ZSWIM5: variants seen among roughly 807,000 people sequenced by gnomAD.
The protein encoded by ZSWIM5 is zinc finger SWIM-type containing 5, also known as zinc finger SWIM domain-containing protein 5.
ZSWIM5 carries 55 observed loss-of-function variants against 119.6 expected under a neutral mutation model. The observed-to-expected ratio is 0.46, with a 90% CI of 0.37 to 0.58. The LOEUF is 0.58. ZSWIM5 is among the 20% of genes least tolerant of loss of function. The pLI is 0.00. For synonymous variants in ZSWIM5, 537 were observed against 606.9 expected (o/e 0.88, Z 1.69); for missense variants, 1,193 against 1,512.8 (o/e 0.79, Z 3.51).
chr1:45,022,032 AAAT>A (rs1479864807), intron 11 of ZSWIM5, among the ~76,000 whole-genome samples: 1 of 151,242 alleles, frequency 6.6e-6, no homozygotes, highest in Non-Finnish European at 1.5e-5. Flanking sequence ...AAAAAAAAAA[AAAT>A]AAATAAGAGT....
At chr1:45,153,505 C>CAAA (rs113314162) in intron 1 of ZSWIM5, among the ~76,000 whole-genome samples, 3 of 121,382 alleles carry the variant, frequency 2.5e-5, no homozygotes, top group African/African-American at 5.8e-5. Context: ...GACTCTGTCT[C>CAAA]AAAAAAAAAA....
chr1:45,199,393 G>A (rs1394880882), intron 1 of ZSWIM5, among the ~76,000 whole-genome samples: 1 of 151,736 alleles, frequency 6.6e-6, no homozygotes, highest in Non-Finnish European at 1.5e-5. Flanking sequence ...CTGCCTCCCG[G>A]CTTCAAGCAA....
At chr1:45,194,825 C>T (rs1307115098) in intron 1 of ZSWIM5, among the ~76,000 whole-genome samples, 1 of 150,948 alleles carries the variant, frequency 6.6e-6, no homozygotes, top group African/African-American at 2.4e-5. Flanking sequence ...TGCAGTGAGC[C>T]GAGATTGCAC....
At chr1:45,101,947 A>G (rs1645441980) in intron 1 of ZSWIM5, among the ~76,000 whole-genome samples, 1 of 152,028 alleles carries the variant, frequency 6.6e-6, no homozygotes, top group Admixed American at 6.6e-5. Flanking sequence ...GTAAATGACG[A>G]GTTAATGAGT....
At chr1:45,041,931 T>C (rs1206878328) in intron 6 of ZSWIM5, among the ~76,000 whole-genome samples, 1 of 152,232 alleles carries the variant, frequency 6.6e-6, no homozygotes, top group African/African-American at 2.4e-5. Context: ...TTTTTCCATG[T>C]TATCAAATAT....
chr1:45,075,015 T>C (rs346700), intron 2 of ZSWIM5, among the ~76,000 whole-genome samples: 22,645 of 151,964 alleles, frequency 0.15, 1,814 homozygotes, highest in Non-Finnish European at 0.16. Context: ...CATGTATTTG[T>C]ATAGTTTCCA....
chr1:45,180,793 C>A (rs1204272384), intron 1 of ZSWIM5, among the ~76,000 whole-genome samples: 1 of 152,082 alleles, frequency 6.6e-6, no homozygotes, highest in Non-Finnish European at 1.5e-5. Flanking sequence ...TGCGGTTCTG[C>A]AGACACCGCT....
At chr1:45,034,251 A>T in intron 11 of ZSWIM5, 61 bp downstream of exon 11, 1 of 1,506,932 alleles carries the variant, frequency 6.6e-7, no homozygotes, top group African/African-American at 1.4e-5. Flanking sequence ...CAAGCCTTTG[A>T]CATGCCATGG....
chr1:45,161,199 T>C (rs1645862114), intron 1 of ZSWIM5, among the ~76,000 whole-genome samples: 1 of 152,046 alleles, frequency 6.6e-6, no homozygotes, highest in African/African-American at 2.4e-5. Flanking sequence ...CTATTGTAAA[T>C]AGTGCTAATG....
At chr1:45,125,667 G>A (rs959864221) in intron 1 of ZSWIM5, among the ~76,000 whole-genome samples, 6 of 149,162 alleles carry the variant, frequency 4.0e-5, no homozygotes, top group Non-Finnish European at 7.4e-5. Context: ...CCAGCTACTC[G>A]GGAGGCTGAG....
In ZSWIM5 at chr1:45,085,544, T is replaced by G. The variant is rs961754950; in HGVS notation, c.952+2337A>C. ...AGTTTGTTTGTTTTTTTTTTTTTTT[T>G]TTTGCTCATGAATATGAGCTGAGGT... On this transcript the variant is annotated intron_variant, in intron 2 of 13. Coordinates refer to ENST00000359600, the MANE Select transcript of ZSWIM5 (RefSeq NM_020883.2). 4.0e-5 allele frequency among the ~76,000 whole-genome samples: 6 copies of G among 150,012 alleles called. No individual in the cohort carries two copies. The South Asian group carries it at 6.4e-4, about 16-fold the overall frequency.
At chr1:45,085,783 T>C (rs1179612266) in intron 2 of ZSWIM5, among the ~76,000 whole-genome samples, 1 of 152,144 alleles carries the variant, frequency 6.6e-6, no homozygotes, top group Non-Finnish European at 1.5e-5. Flanking sequence ...ACTATCAGCA[T>C]TTTGGTCACA....
intron 1 of ZSWIM5, among the ~76,000 whole-genome samples, chr1:45,104,848 A>G (rs1645460352): frequency 6.6e-6 from 1 of 152,336 alleles, no homozygotes. Flanking sequence ...TTCAGCAGCC[A>G]GTGGTCTCTG....
At chr1:45,053,536 T>C (rs1570032488) in intron 4 of ZSWIM5, among the ~76,000 whole-genome samples, 1 of 151,632 alleles carries the variant, frequency 6.6e-6, no homozygotes, top group Admixed American at 6.6e-5. Flanking sequence ...CGGAGGCAGG[T>C]GGATTGCTTG....
At chr1:45,183,155 A>G (rs1646033373) in intron 1 of ZSWIM5, among the ~76,000 whole-genome samples, 1 of 152,032 alleles carries the variant, frequency 6.6e-6, no homozygotes, top group Non-Finnish European at 1.5e-5. Flanking sequence ...ACTACTGGGT[A>G]CATAACGAAA....
chr1:45,094,605 G>A (rs1158514903), intron 1 of ZSWIM5, among the ~76,000 whole-genome samples: 1 of 152,078 alleles, frequency 6.6e-6, no homozygotes, highest in Non-Finnish European at 1.5e-5. Context: ...GCTCATGCCT[G>A]TAATCCCAGC....
rs753640566 is a variant in ZSWIM5 at position 45,157,211 on chromosome 1, T to C, written c.595+48545A>G. Among the ~76,000 whole-genome samples the C allele has an allele frequency of 3.8e-4, 58 of 152,240 alleles. No individual in the cohort carries two copies. In the Middle Eastern group the frequency reaches 0.01, roughly 27 times the overall value. The stretch of plus-strand genomic sequence containing the variant: ...TATGATTACTTTTGAGACAGGGTCT[T>C]CCTCTATTGCCCAGGCAGTCGCACA... On this transcript the variant is annotated intron_variant, in intron 1 of 13. Coordinates refer to ENST00000359600, the MANE Select transcript of ZSWIM5 (RefSeq NM_020883.2).
intron 2 of ZSWIM5, among the ~76,000 whole-genome samples, chr1:45,083,565 G>A (rs1645307502): frequency 6.6e-6 from 1 of 152,092 alleles, no homozygotes; most frequent in Non-Finnish European, 1.5e-5. Context: ...TGTTCTTTCT[G>A]AGGTTGTTTG....
In ZSWIM5 at chr1:45,141,303, A is replaced by C. The variant is rs79951384; in HGVS notation, c.596-53066T>G. ...CTTGGACCTAGATATGCAAGTATACATCAGAAAGGGGTAACTGTTCTAAGT... is the reference window on the plus strand; with the variant it reads ...CTTGGACCTAGATATGCAAGTATACCTCAGAAAGGGGTAACTGTTCTAAGT... On this transcript the variant is annotated intron_variant, in intron 1 of 13. Transcript: ENST00000359600. Among the ~76,000 whole-genome samples the C allele has an allele frequency of 0.027, 4,060 of 152,246 alleles. 457 individuals are homozygous for C. In the East Asian group the frequency reaches 0.38, roughly 14 times the overall value.
Sources: allele counts gnomAD v4.1 joint callset (sites outside exome capture counted in the v4.1 genomes callset), GRCh38; gene constraint gnomAD v4.1.1; transcripts MANE v1.5; gene names NCBI Gene and HGNC (gene_info 2026-07-23, HGNC 2026-07-21).